The following CDH8 variants were observed in gnomAD, a reference collection of about 807,000 sequenced individuals.
CDH8 encodes cadherin 8.
In CDH8, 17 loss-of-function variants were observed where a neutral mutation model predicts 68.1. That is an observed-to-expected ratio of 0.25 (90% CI 0.17 to 0.37). The LOEUF is 0.37. Among genes scored for constraint, CDH8 ranks in the 10% least tolerant of loss-of-function variants. The probability of loss-of-function intolerance (pLI) is 1.00; values close to 1 mark genes in which losing one functional copy is unlikely to be tolerated. For missense variants in CDH8, 763 were observed against 999.3 expected, an observed-to-expected ratio of 0.76 and a Z score of 3.19; for synonymous variants, 372 against 365.1, an observed-to-expected ratio of 1.02 and a Z score of -0.21.
At chr16:61,959,016 C>T (rs1020194631) in intron 2 of CDH8, among the ~76,000 whole-genome samples, 2 of 152,166 alleles carry the variant, frequency 1.3e-5, no homozygotes, top group African/African-American at 4.8e-5. Flanking sequence ...TGCTTGTCCT[C>T]TCTGCCTGAA....
chr16:61,939,737 C>A (rs1964682021), intron 2 of CDH8, among the ~76,000 whole-genome samples: 1 of 152,142 alleles, frequency 6.6e-6, no homozygotes, highest in Non-Finnish European at 1.5e-5. Context: ...TCTCCTGCTA[C>A]ACATAAAGTT....
intron 10 of CDH8, among the ~76,000 whole-genome samples, chr16:61,709,764 T>C (rs1364717954): frequency 6.6e-6 from 1 of 152,118 alleles, no homozygotes; most frequent in Non-Finnish European, 1.5e-5. Flanking sequence ...TTCAAAACCA[T>C]ATGCAGGAAT....
At chr16:61,740,934 C>A (rs762323008) in intron 8 of CDH8, among the ~76,000 whole-genome samples, 5 of 152,092 alleles carry the variant, frequency 3.3e-5, no homozygotes, top group African/African-American at 4.8e-5. Flanking sequence ...ACAGGTCATG[C>A]ATACATTCAG....
intron 2 of CDH8, among the ~76,000 whole-genome samples, chr16:61,921,593 G>C (rs1964368956): frequency 6.6e-6 from 1 of 152,036 alleles, no homozygotes; most frequent in Admixed American, 6.6e-5. Context: ...ATGATTTTTT[G>C]ATACTGTATA....
intron 2 of CDH8, among the ~76,000 whole-genome samples, chr16:61,961,668 C>G (rs1047649137): frequency 6.6e-6 from 1 of 152,218 alleles, no homozygotes; most frequent in Non-Finnish European, 1.5e-5. Context: ...AACTGTAGCT[C>G]TCTTCCATTA....
intron 1 of CDH8, among the ~76,000 whole-genome samples, chr16:62,034,540 TTGCGATGGTACCGGA>T (rs2150625952): frequency 6.6e-6 from 1 of 152,176 alleles, no homozygotes; most frequent in Non-Finnish European, 1.5e-5. Flanking sequence ...CGGATCTGCT[TTGCGATGGTACCGGA>T]TGCGAGAGGA....
intron 2 of CDH8, among the ~76,000 whole-genome samples, chr16:61,905,488 C>T (rs1281094521): frequency 1.3e-5 from 2 of 151,516 alleles, no homozygotes; most frequent in East Asian, 1.9e-4. Flanking sequence ...CTATTTATTA[C>T]CTGGTAAACA....
intron 8 of CDH8, among the ~76,000 whole-genome samples, chr16:61,731,822 C>G (rs1265086160): frequency 6.6e-6 from 1 of 151,342 alleles, no homozygotes; most frequent in East Asian, 1.9e-4. Flanking sequence ...TAACAGAGTT[C>G]AAAGTAGCCA....
At chr16:61,977,660 T>A (rs1299805048) in intron 2 of CDH8, among the ~76,000 whole-genome samples, 1 of 152,100 alleles carries the variant, frequency 6.6e-6, no homozygotes, top group African/African-American at 2.4e-5. Context: ...AGTGAATGAA[T>A]CAAGATAAGT....
intron 4 of CDH8, among the ~76,000 whole-genome samples, chr16:61,827,919 A>G (rs1174171407): frequency 6.6e-6 from 1 of 151,840 alleles, no homozygotes; most frequent in East Asian, 1.9e-4. Context: ...GTCGATTAAC[A>G]TATAAATAGA....
chr16:62,021,574 C>T lies in CDH8; in HGVS notation c.-171G>A, dbSNP rs1902077310. 3 of 1,356,602 alleles carry T rather than the reference C, an allele frequency of 2.2e-6. No homozygotes were observed. The highest frequency in any genetic ancestry group is 5.3e-5 in the East Asian group (2 of 37,732). 84.0% of individuals were successfully genotyped at this position (1,356,602 alleles called of 1,614,324 possible). A position where few individuals can be genotyped will look rare whatever the true frequency, so the allele number is the denominator to read the frequency against. On this transcript the variant is annotated 5_prime_UTR_variant, in exon 2 of 12. Coordinates refer to ENST00000577390, the MANE Select transcript of CDH8 (RefSeq NM_001796.5). ...TAAGCAGCTTTTCTAAGACCACAAT[C>T]CATTGGCTTTTCTTTTCATTGAAAT...
intron 3 of CDH8, among the ~76,000 whole-genome samples, chr16:61,860,000 T>C (rs1418107606): frequency 6.6e-6 from 1 of 152,116 alleles, no homozygotes; most frequent in Non-Finnish European, 1.5e-5. Flanking sequence ...TGCTCCACCA[T>C]GCCCAGCTAA....
intron 9 of CDH8, among the ~76,000 whole-genome samples, chr16:61,719,128 ATT>A (rs34234878): frequency 5.0e-5 from 7 of 139,514 alleles, no homozygotes; most frequent in Admixed American, 2.9e-4. Flanking sequence ...TGAGCTCACC[ATT>A]TTTTTTTTTT....
chr16:61,927,264 A>T (rs1213530653), intron 2 of CDH8, among the ~76,000 whole-genome samples: 1 of 152,134 alleles, frequency 6.6e-6, no homozygotes, highest in Non-Finnish European at 1.5e-5. Context: ...GTTTACATTA[A>T]CTAGAAGTAT....
chr16:61,991,143 A>C (rs1233229207), intron 2 of CDH8, among the ~76,000 whole-genome samples: 1 of 152,154 alleles, frequency 6.6e-6, no homozygotes, highest in Admixed American at 6.5e-5. Context: ...TCATATATGC[A>C]TACCCTAAAC....
chr16:62,030,782 C>A (rs1902306179), intron 1 of CDH8, among the ~76,000 whole-genome samples: 1 of 152,002 alleles, frequency 6.6e-6, no homozygotes, highest in African/African-American at 2.4e-5. Flanking sequence ...CTTCAACATG[C>A]CTAAAATATC....
At chr16:61,848,848 ATTC>A (rs1350467837) in intron 4 of CDH8, among the ~76,000 whole-genome samples, 2 of 152,110 alleles carry the variant, frequency 1.3e-5, no homozygotes, top group Non-Finnish European at 2.9e-5. Context: ...GTTTCTCATT[ATTC>A]TTCTTCAACG....
At chr16:61,703,563 A>C (rs1458010049) in intron 10 of CDH8, among the ~76,000 whole-genome samples, 1 of 152,212 alleles carries the variant, frequency 6.6e-6, no homozygotes, top group East Asian at 1.9e-4. Context: ...CATGCAGGCC[A>C]GGTGCGGTGG....
chr16:62,016,358 C>T (rs1901940326), intron 2 of CDH8, among the ~76,000 whole-genome samples: 2 of 152,310 alleles, frequency 1.3e-5, no homozygotes, highest in African/African-American at 4.8e-5. Flanking sequence ...CAATGAAATG[C>T]TCTGCAGATA....
Sources: allele counts gnomAD v4.1 joint callset (sites outside exome capture counted in the v4.1 genomes callset), GRCh38; gene constraint gnomAD v4.1.1; transcripts MANE v1.5; gene names NCBI Gene and HGNC (gene_info 2026-07-23, HGNC 2026-07-21).